The following PCNT variants were observed in gnomAD, a reference collection of about 807,000 sequenced individuals.
PCNT encodes pericentrin.
Under a neutral mutation model 380.4 loss-of-function variants are expected in PCNT, and 319 were observed. The ratio of observed to expected loss-of-function variants is 0.84; its 90% CI spans 0.77 to 0.92. The LOEUF is 0.92. Among genes scored for constraint, PCNT ranks in the 40% least tolerant of loss-of-function variants. The pLI is 0.00. For missense variants in PCNT, 4,400 were observed against 4,255.3 expected, an observed-to-expected ratio of 1.03 and a Z score of -0.95; for synonymous variants, 1,845 against 1,735.2, an observed-to-expected ratio of 1.06 and a Z score of -1.57.
At chr21:46,332,619 A>AT (rs1166662105) in intron 2 of PCNT, among the ~76,000 whole-genome samples, 1 of 152,112 alleles carries the variant, frequency 6.6e-6, no homozygotes, top group Non-Finnish European at 1.5e-5. Context: ...TTCTGAGAAG[A>AT]TTGATCTAGG....
intron 15 of PCNT, among the ~76,000 whole-genome samples, chr21:46,381,196 CTGTGTGTG>C (rs10523538): frequency 0.1 from 12,567 of 121,920 alleles, 978 homozygotes; most frequent in East Asian, 0.31. Flanking sequence ...AAAAAAATCT[CTGTGTGTG>C]TGTGTGTGTG....
At position 46,386,198 on chromosome 21, in the gene PCNT, C is replaced by G. The variant is rs571668544; in HGVS notation, c.3464+215C>G. Among the ~76,000 whole-genome samples the G allele has an allele frequency of 8.5e-5, 13 of 152,284 alleles. No homozygotes were observed. The East Asian group carries it at 2.3e-3, about 27-fold the overall frequency. On this transcript the variant is annotated intron_variant, in intron 17 of 46. Transcript: ENST00000359568. ...CTGCTGTGTCTCATCTCCCAGCCCC[C>G]GTGCCCTCCTCCCACCCTGCCTGCT...
chr21:46,418,151 C>A (rs565485956), intron 30 of PCNT, 53 bp from the exon 31 acceptor site: 5 of 1,124,324 alleles, frequency 4.4e-6, no homozygotes, highest in Non-Finnish European at 5.4e-6. Flanking sequence ...GCAAAGTCAG[C>A]GCTATGATGT....
chr21:46,391,297 G>T lies in PCNT; in HGVS notation c.4137G>T (p.Gln1379His), dbSNP rs1370803642. ...AGCTGCAGCAGGCGGCCCAGGAGCA[G>T]GCGGCGCTGAGGGAGGAGTGCACCC... ...RRQLQQAAQE[Q>H]AALREECTRL... Residue 1379 changes from glutamine (Q) to histidine (H), a missense_variant, in exon 21 of 47, where the codon CAG (glutamine) becomes CAT (histidine). Transcript: ENST00000359568. 1 of 1,576,516 alleles carries T rather than the reference G, an allele frequency of 6.3e-7. No individual in the cohort carries two copies. The highest frequency in any genetic ancestry group is 1.2e-5 in the South Asian group (1 of 86,084).
chr21:46,361,566 C>T (rs73907466), intron 13 of PCNT, among the ~76,000 whole-genome samples: 7,625 of 152,196 alleles, frequency 0.05, 615 homozygotes, highest in African/African-American at 0.17. Context: ...ACATCACATC[C>T]GCCTCCTGCA....
At chr21:46,439,609 A>C (rs1027637252) in intron 41 of PCNT, among the ~76,000 whole-genome samples, 6 of 152,080 alleles carry the variant, frequency 3.9e-5, no homozygotes, top group South Asian at 2.1e-4. Context: ...GCAAGAAAAG[A>C]AGCACACGTT....
intron 3 of PCNT, among the ~76,000 whole-genome samples, chr21:46,336,066 T>C (rs2083725962): frequency 6.6e-6 from 1 of 152,078 alleles, no homozygotes; most frequent in Non-Finnish European, 1.5e-5. Context: ...AACCTCCGCC[T>C]CCCAGGTTCA....
At chr21:46,342,640 A>C (rs2083942583) in intron 3 of PCNT, among the ~76,000 whole-genome samples, 1 of 151,624 alleles carries the variant, frequency 6.6e-6, no homozygotes, top group South Asian at 2.1e-4. Context: ...TCCCGGGTTC[A>C]AGTGATTCTT....
chr21:46,390,274 C>T (rs182826274), intron 19 of PCNT, among the ~76,000 whole-genome samples: 7 of 152,378 alleles, frequency 4.6e-5, no homozygotes, highest in Non-Finnish European at 8.8e-5. Flanking sequence ...GGTTGCACCA[C>T]TGCACTCCAG....
chr21:46,359,097 C>T lies in PCNT; in HGVS notation c.2154+1906C>T, dbSNP rs534756427. The stretch of plus-strand genomic sequence containing the variant: ...TGTTGGGATTACAGGTGTGAGCCAC[C>T]GCACCCAACCATGCCCAGCTAATTT... On this transcript the variant is annotated intron_variant, in intron 13 of 46. Coordinates refer to ENST00000359568, the MANE Select transcript of PCNT (RefSeq NM_006031.6). Among the ~76,000 whole-genome samples, 6 of 152,204 alleles carry T rather than the reference C, an allele frequency of 3.9e-5. No homozygotes were observed. In the South Asian group the frequency reaches 8.3e-4, roughly 21 times the overall value.
chr21:46,416,940 C>T (rs1220026377), intron 30 of PCNT, 101 bp downstream of exon 30: 3 of 1,177,018 alleles, frequency 2.5e-6, no homozygotes, highest in East Asian at 5.1e-5. Flanking sequence ...TGACAGCACA[C>T]ACCTCGCAGT....
chr21:46,335,213 A>G (rs1057234368), intron 3 of PCNT, among the ~76,000 whole-genome samples: 22 of 152,294 alleles, frequency 1.4e-4, no homozygotes, highest in African/African-American at 4.8e-4. Flanking sequence ...GTCCTGTGCC[A>G]GTTGAGAGCC....
intron 44 of PCNT, 29 bp from the exon 45 acceptor site, chr21:46,443,781 C>T (rs2053674174): frequency 1.2e-6 from 2 of 1,612,178 alleles, no homozygotes; most frequent in African/African-American, 1.3e-5. Context: ...TTTTCCTAAT[C>T]CCTTGGTTGT....
rs1296201706 is a variant in PCNT at position 46,435,833 on chromosome 21, C to T, written c.8752-71C>T. ...CTAGGATTACAGGCATGAACCACCG[C>T]GCCCGGCCGGCAGTTTTGTTTTTGG... On this transcript the variant is annotated intron_variant, in intron 38 of 46. Coordinates refer to ENST00000359568, the MANE Select transcript of PCNT (RefSeq NM_006031.6). 24 of 1,592,214 alleles carry T rather than the reference C, an allele frequency of 1.5e-5. No individual in the cohort carries two copies. In the Middle Eastern group the frequency reaches 5.0e-4, roughly 33 times the overall value.
intron 2 of PCNT, among the ~76,000 whole-genome samples, chr21:46,333,743 C>T (rs528482115): frequency 3.2e-4 from 47 of 145,100 alleles, no homozygotes; most frequent in African/African-American, 1.1e-3. Context: ...GAGGTTGAGA[C>T]AGGAGAATCA....
chr21:46,326,262 G>A, intron 1 of PCNT, 115 bp from the exon 2 acceptor site: 1 of 881,918 alleles, frequency 1.1e-6, no homozygotes, highest in East Asian at 2.6e-5. Context: ...GTGTGGCAGA[G>A]TAGACTGGGT....
chr21:46,414,272 G>A (rs914461522), intron 29 of PCNT, among the ~76,000 whole-genome samples: 13 of 152,010 alleles, frequency 8.6e-5, no homozygotes, highest in Non-Finnish European at 5.9e-5. Context: ...GATTACAGGC[G>A]TGAGCCACCA....
rs2087458679 is a variant in PCNT, at chr21:46,425,557, G to A, written c.7180-274G>A. On this transcript the variant is annotated intron_variant, in intron 32 of 46. Transcript: ENST00000359568. This position sits in a 1 kb window ranked among gnomAD's most constrained non-coding sequence, Gnocchi z 4.2. ...CCCCTCAGGGAGCAGGTGGAGTGGA[G>A]GAAGTGGCGGGGCCATCTTTGGAGT... Among the ~76,000 whole-genome samples the A allele has an allele frequency of 6.6e-6, 1 of 152,266 alleles. No individual in the cohort carries two copies. Among genetic ancestry groups the A allele is most frequent in the Non-Finnish European group, 1.5e-5 (1 of 68,048 alleles).
chr21:46,398,583 C>T (rs1164275120), intron 24 of PCNT, among the ~76,000 whole-genome samples: 2 of 152,220 alleles, frequency 1.3e-5, no homozygotes, highest in African/African-American at 4.8e-5. Context: ...CTGCCCCCCA[C>T]GGACCCTCGT....
Sources: gnomAD v4.1 joint callset for allele counts (sites outside exome capture counted in the v4.1 genomes callset) on GRCh38, gnomAD v4.1.1 for gene constraint, Gnocchi (gnomAD v3.1) non-coding constraint, MANE v1.5 for transcripts, NCBI Gene and HGNC (gene_info 2026-07-23, HGNC 2026-07-21) for gene names.